ADK: variants seen among roughly 807,000 people sequenced by gnomAD.
ADK encodes N6,N6-dimethyladenosine kinase.
ADK carries 24 observed loss-of-function variants against 44.7 expected under a neutral mutation model. The ratio of observed to expected loss-of-function variants is 0.54; its 90% CI spans 0.39 to 0.76. ADK has a LOEUF of 0.76. Ranked by LOEUF, ADK falls within the 30% of genes least tolerant of loss-of-function variation. The pLI is 0.00. For synonymous variants in ADK, 128 were observed against 142.6 expected, an observed-to-expected ratio of 0.90 and a Z score of 0.73; for missense variants, 321 against 425.1, an observed-to-expected ratio of 0.76 and a Z score of 2.15.
intron 4 of ADK, among the ~76,000 whole-genome samples, chr10:74,342,816 T>TGTGTGTGTGTGTG (rs56148690): frequency 3.3e-5 from 5 of 151,630 alleles, no homozygotes; most frequent in Admixed American, 6.6e-5. Flanking sequence ...TGTGTGTGTG[T>TGTGTGTGTGTGTG]TTTAATATTG....
chr10:74,352,278 A>G (rs1356402789), intron 4 of ADK, among the ~76,000 whole-genome samples: 2 of 152,208 alleles, frequency 1.3e-5, no homozygotes, highest in South Asian at 4.1e-4. Flanking sequence ...CCACACATCT[A>G]CAACCATCTG....
chr10:74,441,775 C>T (rs566808547), intron 6 of ADK, among the ~76,000 whole-genome samples: 3 of 152,196 alleles, frequency 2.0e-5, no homozygotes, highest in African/African-American at 7.2e-5. Context: ...AAAGGCAACT[C>T]ACAGAATGGG....
intron 6 of ADK, among the ~76,000 whole-genome samples, chr10:74,452,845 GTTACT>G (rs1272253458): frequency 1.3e-5 from 2 of 151,794 alleles, no homozygotes; most frequent in African/African-American, 4.8e-5. Flanking sequence ...CTTTTTAAAT[GTTACT>G]TTAATCTCTG....
At chr10:74,194,490 A>G (rs1216393989) in intron 1 of ADK, among the ~76,000 whole-genome samples, 3 of 152,206 alleles carry the variant, frequency 2.0e-5, no homozygotes, top group Non-Finnish European at 4.4e-5. Flanking sequence ...GAGTAGATTC[A>G]ATGTCCTTTA....
At position 74,598,440 on chromosome 10, in the gene ADK, C is replaced by CTTTTTTTTTTT; in HGVS notation, c.763-1939_763-1938insTTTTTTTTTTT. The stretch of plus-strand genomic sequence containing the variant: ...TAGAAAGCAACCATGGAATCTTATT[C>CTTTTTTTTTTT]CTTTTTTTTTTTTTTTTTTTTTTTT... On this transcript the variant is annotated intron_variant, in intron 8 of 10. Transcript: ENST00000539909. 1.8e-5 allele frequency among the ~76,000 whole-genome samples: 2 copies of CTTTTTTTTTTT among 114,066 alleles called. 1 individual carries two copies. The highest frequency in any genetic ancestry group is 8.0e-5 in the African/African-American group (2 of 24,994). The allele number at this position is 114,066 out of a possible 152,430, so 74.8% of individuals were successfully genotyped here.
At chr10:74,249,323 T>C (rs953721714) in intron 3 of ADK, among the ~76,000 whole-genome samples, 9 of 152,312 alleles carry the variant, frequency 5.9e-5, no homozygotes, top group Admixed American at 2.0e-4. Flanking sequence ...CCCAAAACAC[T>C]AGAAGTAAAT....
At chr10:74,211,864 G>T (rs915043878) in intron 2 of ADK, among the ~76,000 whole-genome samples, 1 of 151,660 alleles carries the variant, frequency 6.6e-6, no homozygotes, top group African/African-American at 2.4e-5. Context: ...TTTTTTAAAG[G>T]TATCTTCAAA....
intron 6 of ADK, among the ~76,000 whole-genome samples, chr10:74,476,524 T>C (rs1290759625): frequency 6.6e-6 from 1 of 152,138 alleles, no homozygotes; most frequent in Non-Finnish European, 1.5e-5. Flanking sequence ...ATCATACCTC[T>C]GTGATAAACC....
At chr10:74,573,326 T>C (rs1851042530) in intron 7 of ADK, among the ~76,000 whole-genome samples, 1 of 152,218 alleles carries the variant, frequency 6.6e-6, no homozygotes, top group Admixed American at 6.5e-5. Context: ...CAGATTTTCG[T>C]GAACCACAAA....
intron 3 of ADK, among the ~76,000 whole-genome samples, chr10:74,230,967 C>T (rs1844738628): frequency 6.6e-6 from 1 of 152,156 alleles, no homozygotes; most frequent in Non-Finnish European, 1.5e-5. Context: ...TAGGCGTGAG[C>T]CACCGCGCCT....
Position 74,314,687 on chromosome 10 carries a change from A to C in ADK, c.215A>C (p.Lys72Thr), listed in dbSNP as rs778258589. Residue 72 changes from lysine (K) to threonine (T), a missense_variant, in exon 4 of 11, where the codon AAA becomes ACA. Transcript: ENST00000539909. The part of the protein sequence containing the change: ...HKELFDELVK[K>T]FKVEYHAGGS... ...TATAGGTTTGATGAACTTGTGAAAAAATTCAAAGTCGAATATCATGCTGGT... is the reference window on the plus strand; with the variant it reads ...TATAGGTTTGATGAACTTGTGAAAACATTCAAAGTCGAATATCATGCTGGT... 3 of 1,612,830 alleles carry C rather than the reference A, an allele frequency of 1.9e-6. No individual in the cohort carries two copies. The highest frequency in any genetic ancestry group is 2.7e-5 in the African/African-American group (2 of 74,902).
intron 1 of ADK, among the ~76,000 whole-genome samples, chr10:74,170,661 G>A (rs985066553): frequency 2.6e-5 from 4 of 151,846 alleles, no homozygotes; most frequent in East Asian, 3.9e-4. Context: ...TTTGCCGGGC[G>A]TGGTGGCGGG....
chr10:74,474,203 A>G (rs1846722920), intron 6 of ADK, among the ~76,000 whole-genome samples: 1 of 151,724 alleles, frequency 6.6e-6, no homozygotes, highest in Admixed American at 6.6e-5. Context: ...TGCTGCCTCA[A>G]CCTTCTGGGC....
At chr10:74,342,013 TG>T (rs1451348608) in intron 4 of ADK, among the ~76,000 whole-genome samples, 12 of 152,112 alleles carry the variant, frequency 7.9e-5, no homozygotes, top group African/African-American at 2.9e-4. Context: ...CTAAGTAGCA[TG>T]AAAAAAAAGC....
chr10:74,520,383 G>A (rs576849579), intron 6 of ADK, among the ~76,000 whole-genome samples: 67 of 151,048 alleles, frequency 4.4e-4, no homozygotes, highest in African/African-American at 1.6e-3. Context: ...ATTTTACATA[G>A]GTTTATTTCC....
At chr10:74,483,677 C>G (rs1847156603) in intron 6 of ADK, among the ~76,000 whole-genome samples, 1 of 152,212 alleles carries the variant, frequency 6.6e-6, no homozygotes, top group South Asian at 2.1e-4. Flanking sequence ...CAGGATACAT[C>G]TTGAATGTTT....
At chr10:74,394,443 A>G (rs770870702) in intron 5 of ADK, 130 bp downstream of exon 5, 4 of 887,784 alleles carry the variant, frequency 4.5e-6, no homozygotes, top group Non-Finnish European at 5.3e-6. Context: ...CTTATTCCTT[A>G]TATCAGTTTT....
In ADK at chr10:74,313,936, A is replaced by G. The variant is rs113194318; in HGVS notation, c.195-731A>G. ...CCATGCATATTTTGATTGCTCAGGT[A>G]ATCCATCCAACTATTGATTTTTCAA... On this transcript the variant is annotated intron_variant, in intron 3 of 10. Coordinates refer to ENST00000539909, the MANE Select transcript of ADK (RefSeq NM_006721.4). 7.2e-5 allele frequency among the ~76,000 whole-genome samples: 11 copies of G among 152,114 alleles called. 1 individual carries two copies. The highest frequency in any genetic ancestry group is 2.2e-4 in the African/African-American group (9 of 41,554).
chr10:74,402,775 C>T (rs1239486191), intron 6 of ADK, among the ~76,000 whole-genome samples: 3 of 152,190 alleles, frequency 2.0e-5, no homozygotes, highest in African/African-American at 7.2e-5. Context: ...CTCCATCCAG[C>T]TGTGTTCTAT....
Sources: gnomAD v4.1 joint callset for allele counts (sites outside exome capture counted in the v4.1 genomes callset) on GRCh38, gnomAD v4.1.1 for gene constraint, MANE v1.5 for transcripts, NCBI Gene and HGNC (gene_info 2026-07-23, HGNC 2026-07-21) for gene names.